RBFOX1: variants seen among roughly 807,000 people sequenced by gnomAD.
RBFOX1 encodes RNA binding fox-1 homolog 1, also known as RNA binding protein fox-1 homolog 1.
Under a neutral mutation model 57.7 loss-of-function variants are expected in RBFOX1, and 8 were observed. The observed-to-expected ratio is 0.14, with a 90% confidence interval of 0.08 to 0.25. RBFOX1 has a LOEUF of 0.25. RBFOX1 is among the 10% of genes least tolerant of loss of function. The probability of loss-of-function intolerance (pLI) is 1.00; values close to 1 mark genes in which losing one functional copy is unlikely to be tolerated. For synonymous variants in RBFOX1, 326 were observed against 222.4 expected, an observed-to-expected ratio of 1.47 and a Z score of -4.15; for missense variants, 611 against 548.5, an observed-to-expected ratio of 1.11 and a Z score of -1.14.
chr16:6,029,516 G>A (rs1217909793), intron 1 of RBFOX1, among the ~76,000 whole-genome samples: 3 of 152,186 alleles, frequency 2.0e-5, no homozygotes, highest in Non-Finnish European at 4.4e-5. Context: ...GCTCACGCCT[G>A]TAATCCCAGC....
At chr16:7,303,337 C>T (rs996069814) in intron 4 of RBFOX1, among the ~76,000 whole-genome samples, 1 of 152,174 alleles carries the variant, frequency 6.6e-6, no homozygotes, top group Non-Finnish European at 1.5e-5. Context: ...CAGCCCCTAA[C>T]GTCTCAGCAC....
chr16:6,636,583 A>G (rs1232646907), intron 2 of RBFOX1, among the ~76,000 whole-genome samples: 1 of 151,560 alleles, frequency 6.6e-6, no homozygotes, highest in Non-Finnish European at 1.5e-5. Context: ...ATTTGGTTTA[A>G]GTTATTTTGG....
In RBFOX1 at chr16:7,348,014, A is replaced by G. The variant is rs141675138; in HGVS notation, c.28-170133A>G. ...TGGTGCCAGTCTTAACGAGCAGTCA[A>G]TTGATTTGGTTTTCGATTTAAGCTC... On this transcript the variant is annotated intron_variant, in intron 4 of 15. Coordinates refer to ENST00000550418, the MANE Select transcript of RBFOX1 (RefSeq NM_018723.4). Among the ~76,000 whole-genome samples the G allele has an allele frequency of 1.1e-3, 172 of 152,344 alleles. 1 individual carries two copies. Among genetic ancestry groups the G allele is most frequent in the African/African-American group, 4.0e-3 (166 of 41,576 alleles).
chr16:5,306,741 A>G (rs902870621), intron 1 of RBFOX1, among the ~76,000 whole-genome samples: 1 of 152,144 alleles, frequency 6.6e-6, no homozygotes, highest in Non-Finnish European at 1.5e-5. Flanking sequence ...CATCACCCGG[A>G]TCACTTTATG....
intron 3 of RBFOX1, among the ~76,000 whole-genome samples, chr16:6,940,632 C>T (rs970546240): frequency 6.6e-6 from 1 of 152,152 alleles, no homozygotes; most frequent in African/African-American, 2.4e-5. Context: ...GAGTCTTACT[C>T]TGTCACCCAG....
At chr16:6,435,981 T>G (rs2094222574) in intron 2 of RBFOX1, among the ~76,000 whole-genome samples, 1 of 152,160 alleles carries the variant, frequency 6.6e-6, no homozygotes, top group South Asian at 2.1e-4. Flanking sequence ...TTCTCTTTGT[T>G]GTTTGGAGGT....
chr16:6,570,464 C>T (rs2097329568), intron 2 of RBFOX1, among the ~76,000 whole-genome samples: 2 of 151,988 alleles, frequency 1.3e-5, no homozygotes, highest in Admixed American at 6.6e-5. Context: ...TAATAAGGCT[C>T]AGAAGATATA....
intron 3 of RBFOX1, among the ~76,000 whole-genome samples, chr16:7,020,308 C>A (rs1381343991): frequency 6.6e-6 from 1 of 152,134 alleles, no homozygotes; most frequent in Non-Finnish European, 1.5e-5. Context: ...TCACTGCAAC[C>A]TCTGTCCGCC....
At chr16:5,619,897 A>G (rs560125012) in intron 3 of RBFOX1, among the ~76,000 whole-genome samples, 6 of 152,144 alleles carry the variant, frequency 3.9e-5, no homozygotes, top group African/African-American at 1.4e-4. Context: ...TTAAAGAAGA[A>G]TATGCTGACT....
intron 2 of RBFOX1, among the ~76,000 whole-genome samples, chr16:6,632,467 A>G (rs1040510885): frequency 6.6e-6 from 1 of 152,186 alleles, no homozygotes; most frequent in Non-Finnish European, 1.5e-5. Context: ...ATAGTGTTAC[A>G]GTATTTCCTT....
In RBFOX1 at chr16:5,297,977, T is replaced by C. The variant is rs548407788; in HGVS notation, c.219+57872T>C. 1.2e-4 allele frequency among the ~76,000 whole-genome samples: 19 copies of C among 152,284 alleles called. No homozygotes were observed. In the South Asian group the frequency reaches 3.3e-3, roughly 27 times the overall value. ...GCAAGGTGTAGCCCAGACACTTTTG[T>C]AGGCAACAGTGTCCAGCTAGAATTG... is the stretch of plus-strand genomic sequence containing the variant. On this transcript the variant is annotated intron_variant, in intron 1 of 2. Transcript: ENST00000585867.
At chr16:7,112,012 A>G (rs952610383) in intron 4 of RBFOX1, among the ~76,000 whole-genome samples, 10 of 152,180 alleles carry the variant, frequency 6.6e-5, no homozygotes, top group Non-Finnish European at 1.3e-4. Flanking sequence ...TACAGATTGT[A>G]CTTTTCATGA....
At chr16:5,957,705 A>T (rs2152284604) in intron 4 of RBFOX1, among the ~76,000 whole-genome samples, 1 of 152,220 alleles carries the variant, frequency 6.6e-6, no homozygotes, top group Non-Finnish European at 1.5e-5. Flanking sequence ...GCAGGTGTGT[A>T]TATTTGGGGG....
At chr16:7,471,942 C>G (rs1242199456) in intron 4 of RBFOX1, among the ~76,000 whole-genome samples, 1 of 152,086 alleles carries the variant, frequency 6.6e-6, no homozygotes, top group Non-Finnish European at 1.5e-5. Flanking sequence ...TCAACACGGG[C>G]TGAAGAAGCT....
intron 1 of RBFOX1, among the ~76,000 whole-genome samples, chr16:6,217,886 A>G (rs564391328): frequency 1.1e-4 from 16 of 152,158 alleles, no homozygotes; most frequent in African/African-American, 2.9e-4. Context: ...ATGGTGGCGC[A>G]TGATTGTTAA....
intron 14 of RBFOX1, among the ~76,000 whole-genome samples, chr16:7,683,616 C>A (rs529039100): frequency 2.0e-5 from 3 of 152,146 alleles, no homozygotes; most frequent in African/African-American, 7.2e-5. Context: ...CAAGGTGTAA[C>A]AACTCCTTTG....
intron 2 of RBFOX1, among the ~76,000 whole-genome samples, chr16:6,643,363 T>C (rs1220533245): frequency 1.3e-5 from 2 of 152,200 alleles, no homozygotes; most frequent in Non-Finnish European, 2.9e-5. Flanking sequence ...AAACATTTTA[T>C]ACTATTCTTC....
intron 2 of RBFOX1, among the ~76,000 whole-genome samples, chr16:6,582,757 C>G (rs538622498): frequency 2.0e-5 from 3 of 150,124 alleles, no homozygotes; most frequent in Non-Finnish European, 4.4e-5. Flanking sequence ...CTCTTCTTTC[C>G]TCCCCTTTCT....
At chr16:6,779,979 ATT>A (rs2080307769) in intron 3 of RBFOX1, among the ~76,000 whole-genome samples, 1 of 60,294 alleles carries the variant, frequency 1.7e-5, no homozygotes, top group Non-Finnish European at 2.6e-5. Flanking sequence ...ATATTTATAT[ATT>A]TATATATTTA....
Sources: gnomAD v4.1 joint callset for allele counts (sites outside exome capture counted in the v4.1 genomes callset) on GRCh38, gnomAD v4.1.1 for gene constraint, MANE v1.5 for transcripts, NCBI Gene and HGNC (gene_info 2026-07-23, HGNC 2026-07-21) for gene names.